The following POLR1E variants were observed in gnomAD, a reference collection of about 807,000 sequenced individuals.
POLR1E encodes the protein DNA-directed RNA polymerase I subunit RPA49.
In POLR1E, 37 loss-of-function variants were observed where a neutral mutation model predicts 50.9. The observed-to-expected ratio is 0.73, with a 90% CI of 0.56 to 0.96. The LOEUF is 0.96. Among genes scored for constraint, POLR1E ranks in the 40% least tolerant of loss-of-function variants. The pLI is 0.00. For synonymous variants in POLR1E, 166 were observed against 191.6 expected (o/e 0.87, Z 1.10); for missense variants, 426 against 518.1 (o/e 0.82, Z 1.73).
chr9:37,489,300 T>A lies in POLR1E; in HGVS notation c.258-15T>A. On this transcript the variant is annotated splice_polypyrimidine_tract_variant and intron_variant, in intron 3 of 11. Transcript: ENST00000377798. Reference sequence around the variant, plus strand: ...AATAATCCATTGTTATTTGTATTATTTCTTCTTTATTCAGGCACTTTGTGG... The same window carrying A: ...AATAATCCATTGTTATTTGTATTATATCTTCTTTATTCAGGCACTTTGTGG... 4 of 1,554,340 alleles carry A rather than the reference T, an allele frequency of 2.6e-6. No individual in the cohort carries two copies. Among genetic ancestry groups the A allele is most frequent in the Non-Finnish European group, 3.5e-6 (4 of 1,140,308 alleles).
At chr9:37,502,196 C>A (rs145633312) in intron 11 of POLR1E, among the ~76,000 whole-genome samples, 1 of 152,332 alleles carries the variant, frequency 6.6e-6, no homozygotes, top group Non-Finnish European at 1.5e-5. Context: ...TTCTGAATAA[C>A]CAGGCAGCCT....
At chr9:37,488,576 T>C (rs528370196) in intron 3 of POLR1E, among the ~76,000 whole-genome samples, 1 of 152,166 alleles carries the variant, frequency 6.6e-6, no homozygotes, top group South Asian at 2.1e-4. Context: ...TGCTGAGAAC[T>C]ATTAACCCTG....
chr9:37,493,415 G>T, intron 5 of POLR1E, 144 bp from the exon 6 acceptor site: 2 of 561,940 alleles, frequency 3.6e-6, no homozygotes, highest in Non-Finnish European at 5.7e-6. Context: ...GCAGTCCTGT[G>T]AGGTAAATAG....
intron 11 of POLR1E, among the ~76,000 whole-genome samples, chr9:37,502,380 C>T (rs1820907219): frequency 6.6e-6 from 1 of 152,218 alleles, no homozygotes; most frequent in Non-Finnish European, 1.5e-5. Flanking sequence ...GGTGGAACTG[C>T]TGTTTGGCAG....
chr9:37,500,079 C>A (rs10973383), intron 9 of POLR1E, among the ~76,000 whole-genome samples: 32,522 of 149,946 alleles, frequency 0.22, 3,629 homozygotes, highest in East Asian at 0.27. Flanking sequence ...TCGAACTCCT[C>A]ACCTCATGAT....
intron 2 of POLR1E, among the ~76,000 whole-genome samples, chr9:37,487,487 G>A (rs997688140): frequency 6.6e-6 from 1 of 152,204 alleles, no homozygotes; most frequent in East Asian, 1.9e-4. Context: ...GAGTGAATCA[G>A]CCATGGTCCT....
rs201976987 is a variant in POLR1E at position 37,503,186 on chromosome 9, G to A, written c.1244G>A (p.Arg415Gln). 1.9e-5 allele frequency: 30 copies of A among 1,610,296 alleles called. No individual in the cohort carries two copies. In the East Asian group the frequency reaches 3.1e-4, roughly 17 times the overall value. Reference protein sequence around the residue: ...PAQTSDRLAKRRKIT With the variant: ...PAQTSDRLAKQRKIT ...CAGACCTCAGACCGCCTGGCAAAGC[G>A]GAGGAAGATTACCTAGACGCATGCT... Residue 415 changes from arginine (R) to glutamine (Q), a missense_variant, in exon 12 of 12, where the codon CGG (arginine) becomes CAG (glutamine). By Grantham distance (43) the Arg-to-Gln change is conservative. Transcript: ENST00000377798.
chr9:37,498,247 A>G, intron 9 of POLR1E, 23 bp downstream of exon 9: 1 of 1,597,262 alleles, frequency 6.3e-7, no homozygotes, highest in African/African-American at 1.3e-5. Flanking sequence ...TAAACATTTT[A>G]TTCTAATTGT....
In POLR1E at chr9:37,486,096, C is replaced by T. The variant is rs1820569171; in HGVS notation, c.49C>T (p.Pro17Ser). 1 of 1,601,982 alleles carries T rather than the reference C, an allele frequency of 6.2e-7. No individual in the cohort carries two copies. The highest frequency in any genetic ancestry group is 8.5e-7 in the Non-Finnish European group (1 of 1,175,610). The change falls in exon 1 of 12, where the codon CCC (proline) becomes TCC (serine). Residue 17 changes from proline to serine, a missense_variant. Coordinates refer to ENST00000377798, the MANE Select transcript of POLR1E (RefSeq NM_022490.4). ...PSARWQYCGA[P>S]DGSQRAVLVQ... ...TGCGAGGTGGCAGTATTGTGGGGCG[C>T]CCGACGGGAGCCAGAGAGCTGTACT...
At position 37,486,039 on chromosome 9, in the gene POLR1E, A is replaced by C. The variant is rs992446042; in HGVS notation, c.-9A>C. 4 of 1,597,798 alleles carry C rather than the reference A, an allele frequency of 2.5e-6. No individual in the cohort carries two copies. The highest frequency in any genetic ancestry group is 2.3e-5 in the East Asian group (1 of 44,200). On this transcript the variant is annotated 5_prime_UTR_variant, in exon 1 of 12. Transcript: ENST00000377798. ...CTTAACTCCTGTGCTTGGCGGACAG[A>C]CAGGCGAGATGGCGGCGGAGGTGTT...
intron 3 of POLR1E, among the ~76,000 whole-genome samples, chr9:37,488,482 C>T (rs1432920540): frequency 6.6e-6 from 1 of 151,976 alleles, no homozygotes; most frequent in Non-Finnish European, 1.5e-5. Context: ...TGTGATGGTA[C>T]CCAACAATGA....
chr9:37,497,741 C>G (rs1820809414), intron 8 of POLR1E, among the ~76,000 whole-genome samples: 1 of 152,056 alleles, frequency 6.6e-6, no homozygotes, highest in Admixed American at 6.6e-5. Context: ...GTGTACTGGC[C>G]CTTCATCAGC....
At chr9:37,486,836 C>T (rs1450055511) in intron 2 of POLR1E, 30 bp downstream of exon 2, 3 of 1,582,294 alleles carry the variant, frequency 1.9e-6, no homozygotes, top group East Asian at 4.5e-5. Flanking sequence ...GCTGTCTCCA[C>T]TCTGCAGGGC....
chr9:37,498,184 C>G lies in POLR1E; in HGVS notation c.846C>G (p.Thr282=), dbSNP rs369179821. The change falls in exon 9 of 12, where the codon ACC becomes ACG. Residue 282 remains threonine (T), a synonymous_variant. Transcript: ENST00000377798. ...RQARCIWFLD[T]LIKFRAHRVV... The stretch of plus-strand genomic sequence containing the variant: ...CCCGATGCATATGGTTTCTGGATAC[C>G]CTCATCAAATTTCGAGCTCATAGGG... 8.7e-6 allele frequency: 14 copies of G among 1,613,846 alleles called. No homozygotes were observed. The Admixed American group carries it at 2.3e-4, about 27-fold the overall frequency.
intron 8 of POLR1E, among the ~76,000 whole-genome samples, chr9:37,497,468 C>T (rs1392288794): frequency 2.6e-5 from 4 of 152,248 alleles, no homozygotes; most frequent in South Asian, 2.1e-4. Flanking sequence ...ACTATAAAAA[C>T]AGAGGTCAGA....
chr9:37,486,272 C>T (rs1221601648), intron 1 of POLR1E, 149 bp downstream of exon 1: 1 of 1,261,682 alleles, frequency 7.9e-7, no homozygotes, highest in African/African-American at 1.5e-5. Flanking sequence ...TCTGTCAGGG[C>T]TCCCCTGTCC....
At chr9:37,488,013 C>T (rs914086013) in intron 3 of POLR1E, 74 bp downstream of exon 3, 41 of 1,468,760 alleles carry the variant, frequency 2.8e-5, no homozygotes, top group Non-Finnish European at 3.5e-5. Flanking sequence ...CTGCTGTTTC[C>T]TGTCTGTTTT....
At chr9:37,496,888 G>T (rs1820795772) in intron 8 of POLR1E, among the ~76,000 whole-genome samples, 1 of 152,090 alleles carries the variant, frequency 6.6e-6, no homozygotes, top group South Asian at 2.1e-4. Flanking sequence ...TAGCAGTAGA[G>T]CAGTGCCTGA....
intron 1 of POLR1E, 71 bp from the exon 2 acceptor site, chr9:37,486,632 C>T (rs192323920): frequency 6.2e-7 from 1 of 1,613,972 alleles, no homozygotes; most frequent in South Asian, 1.1e-5. Flanking sequence ...ACAGTCTAGT[C>T]CCACCGTACA....
Sources: allele counts gnomAD v4.1 joint callset (sites outside exome capture counted in the v4.1 genomes callset), GRCh38; gene constraint gnomAD v4.1.1; transcripts MANE v1.5; gene names NCBI Gene and HGNC (gene_info 2026-07-23, HGNC 2026-07-21).